Variants in WDR88 observed in about 807,000 individuals in gnomAD.
The protein encoded by WDR88 is WD repeat domain 88, also known as WD repeat-containing protein 88.
In WDR88, 40 loss-of-function variants were observed where a neutral mutation model predicts 46.8. That is an observed-to-expected ratio of 0.86 (90% confidence interval 0.66 to 1.11). The LOEUF (loss-of-function observed/expected upper bound fraction) is 1.11. Among genes scored for constraint, WDR88 ranks in the 50% most tolerant of loss-of-function variants. WDR88 has a pLI of 0.00. For synonymous variants in WDR88, 235 were observed against 240.7 expected, an observed-to-expected ratio of 0.98 and a Z score of 0.22; for missense variants, 562 against 602.4, an observed-to-expected ratio of 0.93 and a Z score of 0.70.
At chr19:33,160,138 A>C (rs1243181372) in intron 7 of WDR88, among the ~76,000 whole-genome samples, 1 of 151,980 alleles carries the variant, frequency 6.6e-6, no homozygotes, top group Non-Finnish European at 1.5e-5. Context: ...CTTGCCTACC[A>C]CTCACTGTCT....
At chr19:33,132,515 C>CG in intron 1 of WDR88, 70 bp downstream of exon 1, 2 of 1,567,948 alleles carry the variant, frequency 1.3e-6, no homozygotes, top group Non-Finnish European at 1.7e-6. Context: ...CTCGAGCTGT[C>CG]GGGGGACCCA....
At chr19:33,164,504 A>G (rs1973922821) in intron 9 of WDR88, among the ~76,000 whole-genome samples, 1 of 152,230 alleles carries the variant, frequency 6.6e-6, no homozygotes, top group Non-Finnish European at 1.5e-5. Context: ...TTTGTTGGAA[A>G]AAGAGTCTGG....
At chr19:33,139,350 TG>T (rs1390549780) in intron 2 of WDR88, among the ~76,000 whole-genome samples, 2 of 152,108 alleles carry the variant, frequency 1.3e-5, no homozygotes, top group African/African-American at 4.8e-5. Flanking sequence ...GGAGCAGGGC[TG>T]GGGGAAGGCA....
At chr19:33,164,081 C>T (rs76927769) in intron 8 of WDR88, 116 bp from the exon 9 acceptor site, 31,931 of 879,642 alleles carry the variant, frequency 0.036, 835 homozygotes, top group African/African-American at 0.089. Context: ...GTGACCCTCC[C>T]GACTCGGCTT....
chr19:33,171,909 G>C (rs902463149), intron 9 of WDR88, among the ~76,000 whole-genome samples: 1 of 152,140 alleles, frequency 6.6e-6, no homozygotes, highest in Non-Finnish European at 1.5e-5. Context: ...AAGTAGCTGG[G>C]ACTACAGGTG....
intron 8 of WDR88, among the ~76,000 whole-genome samples, chr19:33,161,181 CA>C (rs76307709): frequency 0.12 from 17,893 of 151,978 alleles, 1,206 homozygotes; most frequent in South Asian, 0.32. Context: ...TCTAACAAAA[CA>C]AAACAAAACA....
In WDR88 at chr19:33,132,341, C is replaced by G. The variant is rs763686538; in HGVS notation, c.172C>G (p.Leu58Val). The G allele has an allele frequency of 1.2e-6, 2 of 1,614,042 alleles. No homozygotes were observed. The highest frequency in any genetic ancestry group is 1.7e-5 in the Admixed American group (1 of 60,002). Reference protein sequence around the residue: ...SIPHTHLLATLDPLALDREPP... With the variant: ...SIPHTHLLATVDPLALDREPP... ...CCCGCACACGCACCTGCTGGCCACCCTCGACCCCCTGGCCTTGGACAGGGA... is the reference window on the plus strand; with the variant it reads ...CCCGCACACGCACCTGCTGGCCACCGTCGACCCCCTGGCCTTGGACAGGGA... Residue 58 changes from leucine (L) to valine (V), a missense_variant, in exon 1 of 11, where the codon CTC becomes GTC. By Grantham distance (32) the Leu-to-Val change is conservative. Transcript: ENST00000355868.
chr19:33,167,256 A>T (rs1456587007), intron 9 of WDR88, among the ~76,000 whole-genome samples: 2 of 152,214 alleles, frequency 1.3e-5, no homozygotes, highest in African/African-American at 4.8e-5. Context: ...AGGGTGGCTC[A>T]ACATAAAATC....
At chr19:33,143,068 G>A (rs900547820) in intron 2 of WDR88, among the ~76,000 whole-genome samples, 16 of 151,768 alleles carry the variant, frequency 1.1e-4, no homozygotes, top group Middle Eastern at 3.4e-3. Context: ...AATGGCCCAC[G>A]TCTGTAATCC....
At chr19:33,162,625 T>C (rs1973887812) in intron 8 of WDR88, among the ~76,000 whole-genome samples, 1 of 152,124 alleles carries the variant, frequency 6.6e-6, no homozygotes, top group South Asian at 2.1e-4. Context: ...TTACAGGGCC[T>C]CTGAGGGGTA....
chr19:33,132,646 C>T (rs1477028008), intron 1 of WDR88, among the ~76,000 whole-genome samples: 1 of 152,054 alleles, frequency 6.6e-6, no homozygotes, highest in East Asian at 1.9e-4. Flanking sequence ...GGGATGCCGG[C>T]GGGGGCTCCC....
intron 7 of WDR88, among the ~76,000 whole-genome samples, chr19:33,157,309 C>T (rs1318498172): frequency 6.6e-6 from 1 of 151,570 alleles, no homozygotes; most frequent in African/African-American, 2.4e-5. Context: ...TCAGCCTGGC[C>T]AACATGGTGA....
At position 33,134,841 on chromosome 19, in the gene WDR88, C is replaced by CA. The variant is rs1491468634; in HGVS notation, c.276+2396_276+2397insA. 7.6e-5 allele frequency among the ~76,000 whole-genome samples: 5 copies of CA among 65,888 alleles called. No homozygotes were observed. In the East Asian group the frequency reaches 4.0e-3, roughly 53 times the overall value. 43.2% of individuals were successfully genotyped at this position (65,888 alleles called of 152,430 possible). On this transcript the variant is annotated intron_variant, in intron 1 of 10. Coordinates refer to ENST00000355868, the MANE Select transcript of WDR88 (RefSeq NM_173479.4). ...CATCTCCACCTGCACGTCCCCGACA[C>CA]CCCCCCCCCCGCCCCGCATCACCTG...
chr19:33,158,326 T>C (rs572346076), intron 7 of WDR88, among the ~76,000 whole-genome samples: 2 of 152,088 alleles, frequency 1.3e-5, no homozygotes, highest in East Asian at 3.9e-4. Context: ...CCAGCTTCTG[T>C]CCTTGGCTTT....
chr19:33,140,125 AC>A (rs1973359497), intron 2 of WDR88, among the ~76,000 whole-genome samples: 1 of 151,994 alleles, frequency 6.6e-6, no homozygotes, highest in South Asian at 2.1e-4. Flanking sequence ...CCTCACCCCC[AC>A]AGCCCACAGG....
intron 1 of WDR88, among the ~76,000 whole-genome samples, 177 bp downstream of exon 1, chr19:33,132,622 A>G (rs1387892967): frequency 6.6e-6 from 1 of 152,014 alleles, no homozygotes; most frequent in Non-Finnish European, 1.5e-5. Flanking sequence ...GACCCACCTG[A>G]GCAGGGCGTG....
intron 8 of WDR88, among the ~76,000 whole-genome samples, chr19:33,162,923 C>T (rs181131810): frequency 1.3e-5 from 2 of 151,926 alleles, no homozygotes; most frequent in East Asian, 2.0e-4. Flanking sequence ...ATGGGTAGGG[C>T]GCAGTGGCTC....
chr19:33,145,051 G>A, intron 3 of WDR88, 119 bp downstream of exon 3: 1 of 935,816 alleles, frequency 1.1e-6, no homozygotes, highest in Non-Finnish European at 1.7e-6. Flanking sequence ...CTCACCATGT[G>A]GCCTAAGCTG....
rs1049267246 is a variant in WDR88 at position 33,164,134 on chromosome 19, G to A, written c.1081-63G>A. ...AGGTGTGAGCCACTACACCCAGCTT[G>A]TTTTTGTTGTTCTTTCAAAATTATT... is the stretch of plus-strand genomic sequence containing the variant. On this transcript the variant is annotated intron_variant, in intron 8 of 10. Transcript: ENST00000355868. 6 of 1,531,584 alleles carry A rather than the reference G, an allele frequency of 3.9e-6. No individual in the cohort carries two copies. The African/African-American group carries it at 8.2e-5, about 21-fold the overall frequency. The allele number at this position is 1,531,584 out of a possible 1,614,324, so 94.9% of individuals were successfully genotyped here. A position where few individuals can be genotyped will look rare whatever the true frequency, so the allele number is the denominator to read the frequency against.
Sources: gnomAD v4.1 joint callset for allele counts (sites outside exome capture counted in the v4.1 genomes callset) on GRCh38, gnomAD v4.1.1 for gene constraint, MANE v1.5 for transcripts, NCBI Gene and HGNC (gene_info 2026-07-23, HGNC 2026-07-21) for gene names.